CPED1: variants seen among roughly 807,000 people sequenced by gnomAD.
CPED1 encodes the protein cadherin-like and PC-esterase domain-containing protein 1.
Under a neutral mutation model 128.2 loss-of-function variants are expected in CPED1, and 114 were observed. The ratio of observed to expected loss-of-function variants is 0.89; its 90% CI spans 0.76 to 1.04. CPED1 has a LOEUF of 1.04. CPED1 is among the 50% of genes least tolerant of loss of function. CPED1 has a pLI of 0.00. For missense variants in CPED1, 1,211 were observed against 1,207.1 expected (o/e 1.00, Z -0.05); for synonymous variants, 462 against 426.7 (o/e 1.08, Z -1.02).
At chr7:121,274,370 T>A (rs1431748557) in intron 22 of CPED1, among the ~76,000 whole-genome samples, 1 of 152,174 alleles carries the variant, frequency 6.6e-6, no homozygotes, top group African/African-American at 2.4e-5. Context: ...GGTAAAATCA[T>A]TTAGCTTATT....
At chr7:121,274,841 G>A (rs1792300899) in intron 22 of CPED1, among the ~76,000 whole-genome samples, 1 of 152,096 alleles carries the variant, frequency 6.6e-6, no homozygotes, top group Admixed American at 6.6e-5. Flanking sequence ...GAGGACATTT[G>A]ATAATGAATG....
chr7:121,060,899 G>A (rs898313859), intron 4 of CPED1, among the ~76,000 whole-genome samples: 5 of 152,134 alleles, frequency 3.3e-5, no homozygotes, highest in South Asian at 2.1e-4. Context: ...CACTCACTGC[G>A]AAGATCTGCA....
At chr7:120,994,574 G>A (rs1223592261) in intron 2 of CPED1, among the ~76,000 whole-genome samples, 2 of 151,818 alleles carry the variant, frequency 1.3e-5, no homozygotes, top group Non-Finnish European at 2.9e-5. Flanking sequence ...AATAAGAAAT[G>A]AAATAGCTGG....
At chr7:121,037,003 C>G (rs1792913040) in intron 3 of CPED1, among the ~76,000 whole-genome samples, 2 of 151,936 alleles carry the variant, frequency 1.3e-5, no homozygotes, top group South Asian at 4.1e-4. Context: ...TTTGGTCTTG[C>G]TGATTTGTTT....
intron 3 of CPED1, among the ~76,000 whole-genome samples, chr7:121,023,330 G>A (rs970625163): frequency 6.6e-6 from 1 of 152,080 alleles, no homozygotes; most frequent in African/African-American, 2.4e-5. Flanking sequence ...ACTCAAGAGG[G>A]CATCACTAGG....
Position 121,295,567 on chromosome 7 carries a change from C to T in CPED1, c.2996C>T (p.Ser999Leu), listed in dbSNP as rs201789315. Reference sequence around the variant, plus strand: ...CAAGGCACTGTAACAAATTTTCGATCGCCATATCATGTCAGAGGTCCAATA... The same window carrying T: ...CAAGGCACTGTAACAAATTTTCGATTGCCATATCATGTCAGAGGTCCAATA... ...LQQGTVTNFRSPYHVRGPINQ... is the reference protein window; with the variant it reads ...LQQGTVTNFRLPYHVRGPINQ... Residue 999 changes from serine (S) to leucine (L), a missense_variant, in exon 23 of 23, where the codon TCG becomes TTG. Physicochemically the swap from Ser to Leu is moderately radical, Grantham distance 145. Transcript: ENST00000310396. 1.1e-5 allele frequency: 18 copies of T among 1,614,066 alleles called. No individual in the cohort carries two copies. The highest frequency in any genetic ancestry group is 9.3e-5 in the African/African-American group (7 of 75,034).
intron 14 of CPED1, among the ~76,000 whole-genome samples, chr7:121,137,330 T>G (rs1795806710): frequency 6.6e-6 from 1 of 151,928 alleles, no homozygotes; most frequent in Non-Finnish European, 1.5e-5. Flanking sequence ...AGCTACTACA[T>G]CTGGACAATT....
At chr7:121,077,516 G>C (rs17625419) in intron 5 of CPED1, among the ~76,000 whole-genome samples, 1 of 151,896 alleles carries the variant, frequency 6.6e-6, no homozygotes, top group Admixed American at 6.6e-5. Flanking sequence ...CATAATTCAA[G>C]TGTGAACAAA....
At chr7:121,071,427 A>G (rs1341683416) in intron 5 of CPED1, among the ~76,000 whole-genome samples, 1 of 152,112 alleles carries the variant, frequency 6.6e-6, no homozygotes, top group Non-Finnish European at 1.5e-5. Flanking sequence ...GCCAAGGATG[A>G]CACTGAAGCT....
intron 16 of CPED1, among the ~76,000 whole-genome samples, chr7:121,189,531 C>T (rs1797079175): frequency 6.6e-6 from 1 of 151,792 alleles, no homozygotes; most frequent in African/African-American, 2.4e-5. Context: ...ACCAGGTCAC[C>T]AGGTCCCTCC....
At chr7:121,269,611 C>T (rs931328440) in intron 21 of CPED1, among the ~76,000 whole-genome samples, 2 of 151,972 alleles carry the variant, frequency 1.3e-5, no homozygotes, top group Non-Finnish European at 2.9e-5. Context: ...ATGTTTCCAC[C>T]AACAGTTTAT....
intron 2 of CPED1, among the ~76,000 whole-genome samples, chr7:121,009,270 T>C (rs1369985232): frequency 6.6e-6 from 1 of 151,910 alleles, no homozygotes; most frequent in Non-Finnish European, 1.5e-5. Context: ...GACCATGGAA[T>C]CTGAACTGCA....
intron 5 of CPED1, among the ~76,000 whole-genome samples, chr7:121,086,602 G>GGTAGATACT (rs1488164125): frequency 6.6e-6 from 1 of 152,116 alleles, no homozygotes. Flanking sequence ...TCCTGGGACT[G>GGTAGATACT]GTAGATACTG....
chr7:121,266,256 AG>A lies in CPED1; in HGVS notation c.2343del (p.Ile782SerfsTer9), dbSNP rs1397273344. 8 of 1,612,852 alleles carry A rather than the reference AG, an allele frequency of 5.0e-6. No individual in the cohort carries two copies. The highest frequency in any genetic ancestry group is 6.8e-6 in the Non-Finnish European group (8 of 1,179,148). Reference sequence around the variant, plus strand: ...TGTTCATTGGAGATTCAACCAACAGAGGGATCATGTACTATCTTATTGAAAG... The same window carrying A: ...TGTTCATTGGAGATTCAACCAACAGAGGATCATGTACTATCTTATTGAAAG... ...ILFIGDSTNR[G>X]IMYYLIERLN... On this transcript the variant is annotated frameshift_variant, in exon 19 of 23. Coordinates refer to ENST00000310396, the MANE Select transcript of CPED1 (RefSeq NM_024913.5). LOFTEE classifies it high-confidence loss of function.
intron 2 of CPED1, among the ~76,000 whole-genome samples, chr7:121,005,057 T>C (rs1033786637): frequency 2.0e-5 from 3 of 152,206 alleles, no homozygotes; most frequent in East Asian, 1.9e-4. Flanking sequence ...GTCTCATATA[T>C]AAACACTACC....
chr7:121,103,066 T>A (rs1210724065), intron 7 of CPED1, among the ~76,000 whole-genome samples: 1 of 152,168 alleles, frequency 6.6e-6, no homozygotes, highest in Non-Finnish European at 1.5e-5. Flanking sequence ...CTAATTTTTA[T>A]GATAGTTTTT....
intron 16 of CPED1, among the ~76,000 whole-genome samples, chr7:121,178,755 T>C (rs1796838051): frequency 6.6e-6 from 1 of 151,998 alleles, no homozygotes; most frequent in South Asian, 2.1e-4. Context: ...GAGCTGACCT[T>C]GTAGAGAATA....
intron 5 of CPED1, among the ~76,000 whole-genome samples, chr7:121,073,555 G>C (rs1794046227): frequency 1.3e-5 from 2 of 152,146 alleles, no homozygotes; most frequent in Admixed American, 1.3e-4. Flanking sequence ...TATCGTAGAA[G>C]GGTTCAGTTG....
intron 21 of CPED1, among the ~76,000 whole-genome samples, chr7:121,267,964 A>G (rs994628289): frequency 2.6e-5 from 4 of 152,062 alleles, no homozygotes; most frequent in Non-Finnish European, 1.5e-5. Context: ...CAAGACCCCA[A>G]TTCTTTTCTC....
Sources: gnomAD v4.1 joint callset for allele counts (sites outside exome capture counted in the v4.1 genomes callset) on GRCh38, gnomAD v4.1.1 for gene constraint, MANE v1.5 for transcripts, NCBI Gene and HGNC (gene_info 2026-07-23, HGNC 2026-07-21) for gene names.